Variants in CFDP1 observed in about 807,000 individuals in gnomAD.
CFDP1 encodes chromatin remodeling protein CFDP1.
CFDP1 carries 31 observed loss-of-function variants against 40.1 expected under a neutral mutation model. The observed-to-expected ratio is 0.77, with a 90% CI of 0.58 to 1.04. CFDP1 has a LOEUF of 1.04. Ranked by LOEUF, CFDP1 falls within the 50% of genes least tolerant of loss-of-function variation. CFDP1 has a pLI of 0.00. For synonymous variants in CFDP1, 167 were observed against 120.0 expected, an observed-to-expected ratio of 1.39 and a Z score of -2.56; for missense variants, 423 against 343.4, an observed-to-expected ratio of 1.23 and a Z score of -1.83.
intron 5 of CFDP1, among the ~76,000 whole-genome samples, chr16:75,337,625 A>G (rs375508464): frequency 1.4e-4 from 21 of 152,298 alleles, no homozygotes; most frequent in African/African-American, 4.1e-4. Flanking sequence ...GAAACTTTCA[A>G]TCATGGCGGG....
chr16:75,394,360 T>C (rs969876326), intron 5 of CFDP1, among the ~76,000 whole-genome samples: 14 of 152,194 alleles, frequency 9.2e-5, no homozygotes, highest in Non-Finnish European at 1.5e-4. Context: ...CAGCTAAAAA[T>C]AACTCAAGTA....
intron 5 of CFDP1, among the ~76,000 whole-genome samples, chr16:75,331,668 T>G (rs1446785543): frequency 6.6e-6 from 1 of 152,250 alleles, no homozygotes; most frequent in Non-Finnish European, 1.5e-5. Flanking sequence ...GTTTCTTTCA[T>G]GCAGCACAAT....
intron 5 of CFDP1, among the ~76,000 whole-genome samples, chr16:75,356,917 T>TA (rs1567655674): frequency 6.8e-6 from 1 of 146,652 alleles, no homozygotes; most frequent in African/African-American, 2.6e-5. Context: ...CTTTCTTTTT[T>TA]TTTTTTTTTT....
intron 5 of CFDP1, chr16:75,372,284 C>T (rs910745884): frequency 1.3e-5 from 2 of 152,144 alleles, no homozygotes; most frequent in Non-Finnish European, 2.9e-5. Context: ...AAACTCATCA[C>T]ATCTAGTGGT....
At chr16:75,324,250 GGAT>G (rs758509495) in intron 5 of CFDP1, among the ~76,000 whole-genome samples, 50 of 152,246 alleles carry the variant, frequency 3.3e-4, no homozygotes, top group Non-Finnish European at 6.0e-4. Context: ...GAGAGTTGAA[GGAT>G]GAGAAAGAAT....
chr16:75,417,840 G>T (rs1290611187), intron 1 of CFDP1, among the ~76,000 whole-genome samples: 1 of 151,850 alleles, frequency 6.6e-6, no homozygotes, highest in African/African-American at 2.4e-5. Context: ...GTTCTACTCT[G>T]TGTAGTAACA....
chr16:75,305,251 T>C (rs1166382102), intron 5 of CFDP1, 69 bp from the exon 6 acceptor site: 1 of 1,498,696 alleles, frequency 6.7e-7, no homozygotes, highest in African/African-American at 1.4e-5. Context: ...GTTTTTCTGA[T>C]GCAAATGGGA....
intron 5 of CFDP1, among the ~76,000 whole-genome samples, chr16:75,375,083 T>C (rs11646677): frequency 0.5 from 75,599 of 151,222 alleles, 20,234 homozygotes; most frequent in Admixed American, 0.63. Context: ...TGTGTCCATA[T>C]ATGAAAATTA....
intron 5 of CFDP1, among the ~76,000 whole-genome samples, chr16:75,353,462 T>C (rs1488408955): frequency 6.6e-6 from 1 of 152,162 alleles, no homozygotes; most frequent in Non-Finnish European, 1.5e-5. Context: ...ACAGGTGATA[T>C]ATAAATAGTC....
rs1418261029 is a variant in CFDP1 at position 75,411,932 on chromosome 16, C to T, written c.423G>A (p.Glu141=). ...TQVKKGEETE[E]TSSSKLLVKA... is the part of the protein sequence containing the mutation. ...TTACCAACAATTTACTTGAACTTGT[C>T]TCTTCAGTCTCCTCTCCTTTCTATA... The change falls in exon 4 of 7, where the codon GAG becomes GAA. Residue 141 remains glutamate (E), a synonymous_variant. Transcript: ENST00000283882. The T allele has an allele frequency of 8.1e-6, 13 of 1,608,076 alleles. No individual in the cohort carries two copies. The highest frequency in any genetic ancestry group is 1.0e-5 in the Non-Finnish European group (12 of 1,178,716).
At chr16:75,405,575 T>A (rs1039472198) in intron 4 of CFDP1, among the ~76,000 whole-genome samples, 5 of 151,754 alleles carry the variant, frequency 3.3e-5, no homozygotes, top group Admixed American at 6.6e-5. Flanking sequence ...AGGTGAAACC[T>A]CGTCTCTACT....
intron 5 of CFDP1, among the ~76,000 whole-genome samples, chr16:75,376,500 T>C (rs1202919824): frequency 1.3e-5 from 2 of 152,146 alleles, no homozygotes; most frequent in African/African-American, 2.4e-5. Flanking sequence ...ATTTAAAAAA[T>C]GTATGCTTTG....
At chr16:75,430,889 A>G (rs1382485710) in intron 1 of CFDP1, among the ~76,000 whole-genome samples, 2 of 152,242 alleles carry the variant, frequency 1.3e-5, no homozygotes, top group Non-Finnish European at 2.9e-5. Context: ...ACAATGAGGC[A>G]GGTTCAGCCC....
intron 5 of CFDP1, among the ~76,000 whole-genome samples, chr16:75,313,894 G>GT (rs11423940): frequency 0.21 from 32,067 of 150,704 alleles, 3,744 homozygotes; most frequent in African/African-American, 0.31. Context: ...ACTGTTTTTT[G>GT]TTTTTTTTTA....
intron 1 of CFDP1, 87 bp downstream of exon 1, chr16:75,433,202 A>AGGGCAGACGCCCGCGG: frequency 7.5e-7 from 1 of 1,337,000 alleles, no homozygotes; most frequent in Non-Finnish European, 1.0e-6. Context: ...CCTGGGCCAC[A>AGGGCAGACGCCCGCGG]GGGCAGACGC....
intron 5 of CFDP1, among the ~76,000 whole-genome samples, chr16:75,342,821 G>C (rs114272849): frequency 6.6e-6 from 1 of 152,236 alleles, no homozygotes; most frequent in East Asian, 1.9e-4. Flanking sequence ...AGAAATTTTT[G>C]GTTGCCACAA....
chr16:75,308,795 G>C (rs2078274795), intron 5 of CFDP1, among the ~76,000 whole-genome samples: 2 of 152,134 alleles, frequency 1.3e-5, no homozygotes, highest in African/African-American at 4.8e-5. Flanking sequence ...TCCTGGGTGA[G>C]GCCATCTTAT....
intron 4 of CFDP1, among the ~76,000 whole-genome samples, chr16:75,402,889 C>T (rs1353409986): frequency 6.6e-6 from 1 of 151,686 alleles, no homozygotes; most frequent in African/African-American, 2.4e-5. Context: ...AAGGGAGTTA[C>T]AGAACTTTCA....
At chr16:75,306,710 A>G (rs1277832434) in intron 5 of CFDP1, among the ~76,000 whole-genome samples, 1 of 152,216 alleles carries the variant, frequency 6.6e-6, no homozygotes, top group African/African-American at 2.4e-5. Context: ...GCACTGTGCT[A>G]TCTCGCCTCC....
Sources: gnomAD v4.1 joint callset for allele counts (sites outside exome capture counted in the v4.1 genomes callset) on GRCh38, gnomAD v4.1.1 for gene constraint, MANE v1.5 for transcripts, NCBI Gene and HGNC (gene_info 2026-07-23, HGNC 2026-07-21) for gene names.